Variants in ADCY8 observed in about 807,000 individuals in gnomAD.
ADCY8 encodes the protein adenylate cyclase type 8.
In ADCY8, 51 loss-of-function variants were observed where a neutral mutation model predicts 119.7. The ratio of observed to expected loss-of-function variants is 0.43; its 90% CI spans 0.34 to 0.54. The LOEUF (loss-of-function observed/expected upper bound fraction) is 0.54, where lower values mean the gene tolerates loss of function less well. Ranked by LOEUF, ADCY8 falls within the 20% of genes least tolerant of loss-of-function variation. The pLI is 0.03. For missense variants in ADCY8, 1,383 were observed against 1,598.8 expected, an observed-to-expected ratio of 0.87 and a Z score of 2.30; for synonymous variants, 665 against 651.0, an observed-to-expected ratio of 1.02 and a Z score of -0.33.
chr8:130,966,968 G>A (rs766156575), intron 2 of ADCY8, among the ~76,000 whole-genome samples: 6 of 151,780 alleles, frequency 4.0e-5, no homozygotes, highest in Non-Finnish European at 7.4e-5. Flanking sequence ...TTCACTCTTA[G>A]AAAAAAGGAA....
At chr8:130,986,412 A>G (rs1036936917) in intron 2 of ADCY8, among the ~76,000 whole-genome samples, 4 of 152,374 alleles carry the variant, frequency 2.6e-5, no homozygotes, top group Non-Finnish European at 5.9e-5. Context: ...GATAAAAACC[A>G]GAGACTCCAT....
intron 1 of ADCY8, among the ~76,000 whole-genome samples, chr8:130,999,584 G>T (rs1459194114): frequency 1.3e-5 from 2 of 152,178 alleles, no homozygotes; most frequent in Non-Finnish European, 2.9e-5. Flanking sequence ...GTGTTTTCTG[G>T]TGCCACAGGA....
In ADCY8 at chr8:131,040,188, C is replaced by T; in HGVS notation, c.146G>A (p.Arg49His). ...QTAVRHITEQ[R>H]FIHGHRGGSG... ...GCCTCCCCGGTGCCCGTGAATGAAG[C>T]GCTGCTCCGTGATGTGTCGCACCGC... Residue 49 changes from arginine to histidine, a missense_variant, in exon 1 of 18, where the codon CGC (arginine) becomes CAC (histidine). Physicochemically the swap from Arg to His is conservative, Grantham distance 29. Around this residue, in one of 2 missense-constraint regions of ADCY8, gnomAD observed 455 missense variants for 435.3 expected, o/e 1.05. Coordinates refer to ENST00000286355, the MANE Select transcript of ADCY8 (RefSeq NM_001115.3). 1 of 1,534,844 alleles carries T rather than the reference C, an allele frequency of 6.5e-7. No individual in the cohort carries two copies. Among genetic ancestry groups the T allele is most frequent in the Non-Finnish European group, 8.7e-7 (1 of 1,146,660 alleles).
At chr8:130,887,384 T>C (rs1819029555) in intron 7 of ADCY8, among the ~76,000 whole-genome samples, 1 of 152,158 alleles carries the variant, frequency 6.6e-6, no homozygotes. Flanking sequence ...CACCAAGTTA[T>C]AGGTAATAGT....
At chr8:130,811,941 T>A (rs1401558330) in intron 14 of ADCY8, among the ~76,000 whole-genome samples, 2 of 152,182 alleles carry the variant, frequency 1.3e-5, no homozygotes, top group Non-Finnish European at 2.9e-5. Flanking sequence ...ACACCTTCAG[T>A]TCCCTCTTGA....
chr8:130,865,819 C>A (rs1208914771), intron 9 of ADCY8, among the ~76,000 whole-genome samples: 10 of 152,080 alleles, frequency 6.6e-5, no homozygotes, highest in Non-Finnish European at 1.5e-4. Flanking sequence ...TCCTTTCAGG[C>A]CTTTATCATG....
chr8:130,837,558 C>T (rs1817026972), intron 11 of ADCY8, among the ~76,000 whole-genome samples: 1 of 152,198 alleles, frequency 6.6e-6, no homozygotes, highest in African/African-American at 2.4e-5. Context: ...TTGGAATTAG[C>T]CAAGAGCTGG....
intron 5 of ADCY8, among the ~76,000 whole-genome samples, chr8:130,933,411 G>T (rs1236355255): frequency 6.6e-6 from 1 of 152,124 alleles, no homozygotes; most frequent in Non-Finnish European, 1.5e-5. Flanking sequence ...ACATTAAGGT[G>T]CAAATATTGT....
intron 11 of ADCY8, among the ~76,000 whole-genome samples, chr8:130,842,215 G>T (rs1394971511): frequency 6.6e-6 from 1 of 152,066 alleles, no homozygotes; most frequent in Non-Finnish European, 1.5e-5. Context: ...TTATGATTTT[G>T]TCTTTATTAT....
Position 130,987,454 on chromosome 8 carries a change from T to C in ADCY8, c.1110+2939A>G, listed in dbSNP as rs75779697. On this transcript the variant is annotated intron_variant, in intron 2 of 17. Transcript: ENST00000286355. ...AATAAACCCTCCATAAAGAAATTAA[T>C]TCACGGTTGAACAAATTAAATAATT... Among the ~76,000 whole-genome samples, 417 of 152,104 alleles carry C rather than the reference T, an allele frequency of 2.7e-3. 2 individuals carry two copies. The highest frequency in any genetic ancestry group is 9.6e-3 in the African/African-American group (399 of 41,560).
At chr8:131,001,325 T>A (rs1047680207) in intron 1 of ADCY8, among the ~76,000 whole-genome samples, 1 of 151,982 alleles carries the variant, frequency 6.6e-6, no homozygotes, top group African/African-American at 2.4e-5. Flanking sequence ...TGGGGAAGCT[T>A]CCTACTAAAC....
chr8:130,814,172 A>T lies in ADCY8; in HGVS notation c.2810T>A (p.Ile937Asn), dbSNP rs1816264129. 6.2e-7 allele frequency: 1 copy of T among 1,613,736 alleles called. No homozygotes were observed. Among genetic ancestry groups the T allele is most frequent in the Non-Finnish European group, 8.5e-7 (1 of 1,179,982 alleles). The change falls in exon 14 of 18, where the codon ATC becomes AAC. Residue 937 changes from isoleucine (I) to asparagine (N), a missense_variant. Physicochemically the swap from Ile to Asn is moderately radical, Grantham distance 149 (BLOSUM62 -3). Transcript: ENST00000286355. ...TTCCCTCAGCTCCTTCATCTCATTGATCTCCTCTTTGGCCTGTACTCGCCA... is the reference window on the plus strand; with the variant it reads ...TTCCCTCAGCTCCTTCATCTCATTGTTCTCCTCTTTGGCCTGTACTCGCCA... ...FLWRVQAKEE[I>N]NEMKELREHN...
chr8:130,937,153 G>A lies in ADCY8; in HGVS notation c.1401C>T (p.Cys467=), dbSNP rs766090449. The change falls in exon 5 of 18, where the codon TGC becomes TGT. Residue 467 remains cysteine, a synonymous_variant. Coordinates refer to ENST00000286355, the MANE Select transcript of ADCY8 (RefSeq NM_001115.3). ...RIKILGDCYY[C]VSGLPEPRQD... The stretch of plus-strand genomic sequence containing the variant: ...GGCGGGGCTCAGGAAGTCCAGACAC[G>A]CAGTAGTAGCAGTCCCCCAGGATTT... 9.3e-6 allele frequency: 15 copies of A among 1,613,700 alleles called. No individual in the cohort carries two copies. The highest frequency in any genetic ancestry group is 1.1e-5 in the South Asian group (1 of 91,052).
intron 2 of ADCY8, among the ~76,000 whole-genome samples, chr8:130,984,757 G>C (rs180927988): frequency 6.6e-6 from 1 of 152,178 alleles, no homozygotes; most frequent in Non-Finnish European, 1.5e-5. Context: ...TCAGGTACAA[G>C]CGTGTATCAC....
chr8:130,837,495 A>C (rs1817025230), intron 11 of ADCY8, among the ~76,000 whole-genome samples: 1 of 152,170 alleles, frequency 6.6e-6, no homozygotes, highest in African/African-American at 2.4e-5. Flanking sequence ...CCCTGCATAG[A>C]CCAGCATAAC....
chr8:130,862,004 A>T (rs1297151068), intron 9 of ADCY8, among the ~76,000 whole-genome samples: 1 of 152,152 alleles, frequency 6.6e-6, no homozygotes, highest in Non-Finnish European at 1.5e-5. Flanking sequence ...TGTTGAATAA[A>T]CTTTATATAC....
chr8:130,904,057 C>A lies in ADCY8; in HGVS notation c.1641-15G>T. ...TGTGAATCCTCCTGTGTGTAGAAGG[C>A]ATAGGTCATTACACACTCCTGATGT... On this transcript the variant is annotated splice_polypyrimidine_tract_variant and intron_variant, in intron 6 of 17. Coordinates refer to ENST00000286355, the MANE Select transcript of ADCY8 (RefSeq NM_001115.3). The A allele has an allele frequency of 6.2e-7, 1 of 1,605,418 alleles. No individual in the cohort carries two copies. The highest frequency in any genetic ancestry group is 1.1e-5 in the South Asian group (1 of 89,754).
intron 12 of ADCY8, 31 bp from the exon 13 acceptor site, chr8:130,821,451 T>TG (rs1563678747): frequency 4.5e-6 from 7 of 1,562,178 alleles, no homozygotes; most frequent in South Asian, 1.1e-5. Context: ...CTGATAACCA[T>TG]GGGGGGACTT....
chr8:130,800,589 A>G lies in ADCY8; in HGVS notation c.2914-17T>C. On this transcript the variant is annotated splice_polypyrimidine_tract_variant and intron_variant, in intron 14 of 17. Transcript: ENST00000286355. ...ATACAGCTCCTGGACAGAGACACACAGAGGGCACCAGAAATGGTCATCAGA... is the reference window on the plus strand; with the variant it reads ...ATACAGCTCCTGGACAGAGACACACGGAGGGCACCAGAAATGGTCATCAGA... The G allele has an allele frequency of 6.2e-7, 1 of 1,613,212 alleles. No individual in the cohort carries two copies. The highest frequency in any genetic ancestry group is 8.5e-7 in the Non-Finnish European group (1 of 1,179,250).
Sources: gnomAD v4.1 joint callset for allele counts (sites outside exome capture counted in the v4.1 genomes callset) on GRCh38, gnomAD v4.1.1 for gene constraint, gnomAD v4.1.1 regional missense constraint, MANE v1.5 for transcripts, NCBI Gene and HGNC (gene_info 2026-07-23, HGNC 2026-07-21) for gene names.